DNM3: variants seen among roughly 807,000 people sequenced by gnomAD.
The protein encoded by DNM3 is dynamin 3, also known as dynamin-3.
Under a neutral mutation model 101.6 loss-of-function variants are expected in DNM3, and 47 were observed. The ratio of observed to expected loss-of-function variants is 0.46; its 90% CI spans 0.37 to 0.59. DNM3 has a LOEUF of 0.59. Ranked by LOEUF, DNM3 falls within the 20% of genes least tolerant of loss-of-function variation. The pLI is 0.00. For synonymous variants in DNM3, 385 were observed against 387.9 expected, an observed-to-expected ratio of 0.99 and a Z score of 0.09; for missense variants, 849 against 1,085.7, an observed-to-expected ratio of 0.78 and a Z score of 3.06.
chr1:172,073,073 G>A (rs2052333571), intron 11 of DNM3, among the ~76,000 whole-genome samples: 1 of 136,174 alleles, frequency 7.3e-6, no homozygotes, highest in South Asian at 2.5e-4. Flanking sequence ...TTGCAGAGAA[G>A]AGAAATATTA....
chr1:171,886,640 T>A (rs1277510324), intron 1 of DNM3, among the ~76,000 whole-genome samples: 8 of 152,162 alleles, frequency 5.3e-5, no homozygotes, highest in Non-Finnish European at 8.8e-5. Context: ...GAGTCTGTAA[T>A]AGAAGAGTGA....
rs1384834353 is a variant in DNM3 at position 172,032,490 on chromosome 1, T to C, written c.678T>C (p.Pro226=). 2 of 1,570,028 alleles carry C rather than the reference T, an allele frequency of 1.3e-6. No individual in the cohort carries two copies. Among genetic ancestry groups the C allele is most frequent in the African/African-American group, 1.4e-5 (1 of 73,688 alleles). ...ATGTTCTAGAGAACAAACTGTTGCC[T>C]CTTCGCAGGGGTAATGTACTGTGGT... is the stretch of plus-strand genomic sequence containing the variant. ...ARDVLENKLL[P]LRRGYVGVVN... The change falls in exon 5 of 21, where the codon CCT becomes CCC. Residue 226 remains proline, a synonymous_variant. Coordinates refer to ENST00000627582, the MANE Select transcript of DNM3 (RefSeq NM_015569.5).
At chr1:172,197,113 G>C (rs770000667) in intron 14 of DNM3, among the ~76,000 whole-genome samples, 13 of 152,016 alleles carry the variant, frequency 8.6e-5, no homozygotes, top group Non-Finnish European at 1.6e-4. Flanking sequence ...TCCAGCTTCA[G>C]TCTTCTGCAT....
At chr1:172,087,273 T>C (rs1348734783) in intron 12 of DNM3, among the ~76,000 whole-genome samples, 13 of 152,188 alleles carry the variant, frequency 8.5e-5, no homozygotes, top group Admixed American at 5.2e-4. Context: ...CTTCTGATCA[T>C]GGCTTAAGAA....
At chr1:171,886,630 G>C (rs1233931308) in intron 1 of DNM3, among the ~76,000 whole-genome samples, 2 of 152,086 alleles carry the variant, frequency 1.3e-5, no homozygotes, top group Admixed American at 6.5e-5. Context: ...AATGATATGA[G>C]AGTCTGTAAT....
intron 14 of DNM3, among the ~76,000 whole-genome samples, chr1:172,248,274 C>T (rs1254326975): frequency 6.6e-6 from 1 of 152,030 alleles, no homozygotes; most frequent in Non-Finnish European, 1.5e-5. Context: ...TTTTTATTCA[C>T]CTCTGGTTAA....
chr1:172,105,830 T>A (rs1221645749), intron 13 of DNM3, among the ~76,000 whole-genome samples: 2 of 152,200 alleles, frequency 1.3e-5, no homozygotes, highest in Non-Finnish European at 2.9e-5. Flanking sequence ...ATACTCATGT[T>A]GTAATTTTAA....
At chr1:172,086,463 G>A (rs1205580587) in intron 12 of DNM3, among the ~76,000 whole-genome samples, 1 of 152,312 alleles carries the variant, frequency 6.6e-6, no homozygotes, top group Middle Eastern at 3.4e-3. Context: ...TTTCTGAGAT[G>A]ATGGAACTAT....
At chr1:172,291,267 C>T (rs80294980) in intron 15 of DNM3, among the ~76,000 whole-genome samples, 2,867 of 103,410 alleles carry the variant, frequency 0.028, 71 homozygotes, top group African/African-American at 0.072. Context: ...CACACGCATA[C>T]ATGTGCGTGT....
chr1:172,315,473 G>A (rs2065292375), intron 16 of DNM3, among the ~76,000 whole-genome samples: 1 of 152,184 alleles, frequency 6.6e-6, no homozygotes, highest in Non-Finnish European at 1.5e-5. Flanking sequence ...CAAAGGCAAA[G>A]AAGTTGAAAA....
Position 171,842,234 on chromosome 1 carries a change from C to T in DNM3, c.161+417C>T, listed in dbSNP as rs1365179749. On this transcript the variant is annotated intron_variant, in intron 1 of 20. Coordinates refer to ENST00000627582, the MANE Select transcript of DNM3 (RefSeq NM_015569.5). ...TGTTTTCCCAGCTCAACACCCCCCTCCTTTTCCTGTCGCCCTCCGTGAGGC... is the reference window on the plus strand; with the variant it reads ...TGTTTTCCCAGCTCAACACCCCCCTTCTTTTCCTGTCGCCCTCCGTGAGGC... Among the ~76,000 whole-genome samples, 141 of 152,140 alleles carry T rather than the reference C, an allele frequency of 9.3e-4. 2 individuals carry two copies. The highest frequency in any genetic ancestry group is 9.2e-3 in the Admixed American group (141 of 15,286).
chr1:172,065,217 A>G (rs1195644306), intron 10 of DNM3, among the ~76,000 whole-genome samples: 1 of 152,200 alleles, frequency 6.6e-6, no homozygotes, highest in Non-Finnish European at 1.5e-5. Context: ...CCACTATTTG[A>G]TGGTTTTAAA....
At position 172,314,330 on chromosome 1, in the gene DNM3, G is replaced by A. The variant is rs2065218106; in HGVS notation, c.1881+5491G>A. On this transcript the variant is annotated intron_variant, in intron 16 of 20. Coordinates refer to ENST00000627582, the MANE Select transcript of DNM3 (RefSeq NM_015569.5). ...GCAACGCAGAAGACGGGTGATTTCTGCATTTCCATCTGAGGTAGCAGGTTC... is the reference window on the plus strand; with the variant it reads ...GCAACGCAGAAGACGGGTGATTTCTACATTTCCATCTGAGGTAGCAGGTTC... Among the ~76,000 whole-genome samples, 4 of 152,278 alleles carry A rather than the reference G, an allele frequency of 2.6e-5. No individual in the cohort carries two copies. The South Asian group carries it at 8.3e-4, about 32-fold the overall frequency.
At chr1:172,098,823 A>G (rs1290628315) in intron 13 of DNM3, among the ~76,000 whole-genome samples, 2 of 152,198 alleles carry the variant, frequency 1.3e-5, no homozygotes, top group Non-Finnish European at 2.9e-5. Flanking sequence ...GTAGAACAAA[A>G]GCTAAAGGGA....
At chr1:172,082,987 G>T (rs2053264722) in intron 12 of DNM3, among the ~76,000 whole-genome samples, 1 of 152,178 alleles carries the variant, frequency 6.6e-6, no homozygotes. Flanking sequence ...GTGTATTCTT[G>T]TTAGAACCCA....
intron 4 of DNM3, among the ~76,000 whole-genome samples, chr1:171,998,336 T>C (rs774958613): frequency 2.6e-5 from 4 of 152,098 alleles, no homozygotes; most frequent in East Asian, 1.9e-4. Context: ...GGAAAAACAA[T>C]TGGTTTAGGA....
intron 17 of DNM3, chr1:172,338,700 T>C: frequency 8.0e-6 from 3 of 376,820 alleles, no homozygotes; most frequent in Non-Finnish European, 1.1e-5. Flanking sequence ...CCCTGAGAGC[T>C]CATATTAACT....
In DNM3 at chr1:172,405,907, T is replaced by C. The variant is rs763824462; in HGVS notation, c.2523-1865T>C. ...TTTAGCTACTTTTTTTTTTTTGCCA[T>C]GGCCATGATTTACTCACAAATATCC... On this transcript the variant is annotated intron_variant, in intron 20 of 20. Transcript: ENST00000627582. 9.2e-4 allele frequency among the ~76,000 whole-genome samples: 140 copies of C among 151,824 alleles called. 2 individuals carry two copies. Among genetic ancestry groups the C allele is most frequent in the Non-Finnish European group, 1.8e-3 (119 of 67,862 alleles).
chr1:171,882,843 A>C (rs2036407260), intron 1 of DNM3, among the ~76,000 whole-genome samples: 1 of 152,036 alleles, frequency 6.6e-6, no homozygotes, highest in Admixed American at 6.5e-5. Context: ...AAAACATGGA[A>C]ATATATAAGG....
Sources: allele counts gnomAD v4.1 joint callset (sites outside exome capture counted in the v4.1 genomes callset), GRCh38; gene constraint gnomAD v4.1.1; transcripts MANE v1.5; gene names NCBI Gene and HGNC (gene_info 2026-07-23, HGNC 2026-07-21).